MOB3C: variants seen among roughly 807,000 people sequenced by gnomAD.
The protein encoded by MOB3C is MOB1, Mps One Binder kinase activator-like 2C.
Under a neutral mutation model 19.8 loss-of-function variants are expected in MOB3C, and 17 were observed. The ratio of observed to expected loss-of-function variants is 0.86; its 90% CI spans 0.59 to 1.29. The LOEUF is 1.29. Among genes scored for constraint, MOB3C ranks in the 50% most tolerant of loss-of-function variants. MOB3C has a pLI of 0.00. For missense variants in MOB3C, 291 were observed against 301.9 expected (o/e 0.96, Z 0.27); for synonymous variants, 101 against 119.2 (o/e 0.85, Z 0.99).
Position 46,609,619 on chromosome 1 carries a change from C to T in MOB3C, c.*36G>A, listed in dbSNP as rs781387532. 17 of 1,613,666 alleles carry T rather than the reference C, an allele frequency of 1.1e-5. No homozygotes were observed. The highest frequency in any genetic ancestry group is 1.7e-5 in the Admixed American group (1 of 60,032). ...TCTGCCAGCCACCCTATGTTCAGAT[C>T]GTCCATCTGATGGCCAAAAAAGTCC... is the stretch of plus-strand genomic sequence containing the variant. On this transcript the variant is annotated 3_prime_UTR_variant, in exon 4 of 4. Coordinates refer to ENST00000319928, the MANE Select transcript of MOB3C (RefSeq NM_201403.3).
Position 46,611,150 on chromosome 1 carries a change from G to A in MOB3C, c.419-946C>T, listed in dbSNP as rs934785553. On this transcript the variant is annotated intron_variant, in intron 2 of 3. Transcript: ENST00000319928. This position sits in a 1 kb window ranked among gnomAD's most constrained non-coding sequence, Gnocchi z 4.1. ...CATTCCTTCAAATATTCAACAACAC[G>A]AAGAACCTTCCATTTATGAGCAAGG... Among the ~76,000 whole-genome samples the A allele has an allele frequency of 1.3e-5, 2 of 152,132 alleles. No homozygotes were observed. The highest frequency in any genetic ancestry group is 4.8e-5 in the African/African-American group (2 of 41,408).
At position 46,609,997 on chromosome 1, in the gene MOB3C, C is replaced by T. The variant is rs1182378336; in HGVS notation, c.621+5G>A. On this transcript the variant is annotated splice_donor_5th_base_variant and intron_variant, in intron 3 of 3. Transcript: ENST00000319928. Reference sequence around the variant, plus strand: ...GTAGGGGAGGGTGGTAGGGCTTGGCCTCACCAGTGGCTCCAGCTCCCGCTG... The same window carrying T: ...GTAGGGGAGGGTGGTAGGGCTTGGCTTCACCAGTGGCTCCAGCTCCCGCTG... 6.2e-7 allele frequency: 1 copy of T among 1,614,176 alleles called. No individual in the cohort carries two copies. Among genetic ancestry groups the T allele is most frequent in the East Asian group, 2.2e-5 (1 of 44,888 alleles).
intron 2 of MOB3C, among the ~76,000 whole-genome samples, chr1:46,612,382 A>C (rs1187804508): frequency 1.3e-5 from 2 of 152,198 alleles, no homozygotes; most frequent in Non-Finnish European, 2.9e-5. Flanking sequence ...GTCTTGCCAG[A>C]GTGGTCCTTG....
intron 1 of MOB3C, chr1:46,614,944 G>A (rs773368835): frequency 6.6e-7 from 1 of 1,526,014 alleles, no homozygotes; most frequent in African/African-American, 1.4e-5. Flanking sequence ...CATTCAGCAG[G>A]AACTTGTTCT....
intron 3 of MOB3C, 116 bp from the exon 4 acceptor site, chr1:46,609,800 C>T: frequency 7.0e-7 from 1 of 1,432,108 alleles, no homozygotes; most frequent in Non-Finnish European, 9.6e-7. Flanking sequence ...CCCCAGCAAC[C>T]CCAACTCTTA....
At chr1:46,615,212 A>C (rs1675539815) in intron 1 of MOB3C, 1 of 659,352 alleles carries the variant, frequency 1.5e-6, no homozygotes, top group African/African-American at 1.8e-5. Flanking sequence ...CCACCCTGGC[A>C]TTCAGCACCT....
chr1:46,610,664 G>C (rs1464194499), intron 2 of MOB3C, among the ~76,000 whole-genome samples: 1 of 152,212 alleles, frequency 6.6e-6, no homozygotes, highest in Non-Finnish European at 1.5e-5. Context: ...TTACAGGCAT[G>C]AGCCACTGTG....
chr1:46,610,173 G>A lies in MOB3C; in HGVS notation c.450C>T (p.Val150=). Residue 150 remains valine (V), a synonymous_variant, in exon 3 of 4, where the codon GTC becomes GTT. Transcript: ENST00000319928. ...AGAGGCGGGTCAGGATCTTGGTGCA[G>A]ACCTGCTGGAAGTTCTTAGGGAAGG... ...GVPFPKNFQQ[V]CTKILTRLFR... The A allele has an allele frequency of 6.2e-7, 1 of 1,614,122 alleles. No homozygotes were observed.
In MOB3C at chr1:46,612,925, C is replaced by A; in HGVS notation, c.397G>T (p.Glu133Ter). 6.4e-7 allele frequency: 1 copy of A among 1,559,476 alleles called. No individual in the cohort carries two copies. Among genetic ancestry groups the A allele is most frequent in the Non-Finnish European group, 8.7e-7 (1 of 1,149,930 alleles). ...DWIEGLINDE[E>*]VFPTRVGVPF... ...TCACCAACACGCGTGGGAAAGACCT[C>A]TTCGTCGTTGATGAGGCCTTCGATC... The change falls in exon 2 of 4, where the codon GAG (glutamate) becomes TAG (stop). Residue 133 changes from glutamate to a stop codon, truncating the protein, a stop_gained. Transcript: ENST00000319928. LOFTEE classifies it high-confidence loss of function.
At position 46,612,933 on chromosome 1, in the gene MOB3C, T is replaced by C. The variant is rs1675493727; in HGVS notation, c.389A>G (p.Asn130Ser). 2.6e-6 allele frequency: 4 copies of C among 1,566,330 alleles called. No homozygotes were observed. The highest frequency in any genetic ancestry group is 2.4e-5 in the South Asian group (2 of 84,068). The change falls in exon 2 of 4, where the codon AAC becomes AGC. Residue 130 changes from asparagine to serine, a missense_variant. Transcript: ENST00000319928. ...ACGCGTGGGAAAGACCTCTTCGTCGTTGATGAGGCCTTCGATCCAGTCCAT... is the reference window on the plus strand; with the variant it reads ...ACGCGTGGGAAAGACCTCTTCGTCGCTGATGAGGCCTTCGATCCAGTCCAT... ...LLMDWIEGLI[N>S]DEEVFPTRVG... is the part of the protein sequence containing the mutation.
chr1:46,608,372 G>A lies in MOB3C; in HGVS notation c.*1283C>T, dbSNP rs1021860989. 1.3e-5 allele frequency: 2 copies of A among 152,370 alleles called. No individual in the cohort carries two copies. 9.4% of individuals were successfully genotyped at this position (152,370 alleles called of 1,614,324 possible). On this transcript the variant is annotated 3_prime_UTR_variant, in exon 4 of 4. Transcript: ENST00000319928. The surrounding 1 kb of genome is among the most constrained non-coding windows in gnomAD (Gnocchi z 4.5). Reference sequence around the variant, plus strand: ...CTGGCATCCCAGAGTGGAGGCTCTGGGAGGGCAGAACCCTGTTCCTGCCTC... The same window carrying A: ...CTGGCATCCCAGAGTGGAGGCTCTGAGAGGGCAGAACCCTGTTCCTGCCTC...
chr1:46,611,989 C>A lies in MOB3C; in HGVS notation c.418+915G>T, dbSNP rs1294720672. On this transcript the variant is annotated intron_variant, in intron 2 of 3. Transcript: ENST00000319928. This position sits in a 1 kb window ranked among gnomAD's most constrained non-coding sequence, Gnocchi z 4.1. ...AGATGAGCTCCAGGCCAGGTGGGGG[C>A]TGGGCCCAGCTACAGGTGCGGCTGG... 6.6e-6 allele frequency among the ~76,000 whole-genome samples: 1 copy of A among 152,200 alleles called. No homozygotes were observed. Among genetic ancestry groups the A allele is most frequent in the Non-Finnish European group, 1.5e-5 (1 of 68,024 alleles).
intron 2 of MOB3C, among the ~76,000 whole-genome samples, chr1:46,612,591 G>C (rs1675485624): frequency 6.6e-6 from 1 of 151,038 alleles, no homozygotes; most frequent in East Asian, 2.0e-4. Context: ...TTGAACCCGG[G>C]GGGCAGAGGT....
Position 46,609,701 on chromosome 1 carries a change from T to A in MOB3C, c.622-17A>T, listed in dbSNP as rs567142646. ...CATCTCCCTCTGTAGAGACACAAGGTAGGGAGGGGTCAATTAGAGCTCAGC... is the reference window on the plus strand; with the variant it reads ...CATCTCCCTCTGTAGAGACACAAGGAAGGGAGGGGTCAATTAGAGCTCAGC... On this transcript the variant is annotated splice_polypyrimidine_tract_variant and intron_variant, in intron 3 of 3. Coordinates refer to ENST00000319928, the MANE Select transcript of MOB3C (RefSeq NM_201403.3). The A allele has an allele frequency of 7.4e-6, 12 of 1,613,878 alleles. No individual in the cohort carries two copies. In the South Asian group the frequency reaches 7.7e-5, roughly 10 times the overall value.
rs1675568014 is a variant in MOB3C at position 46,616,750 on chromosome 1, G to A, written c.-90C>T. The stretch of plus-strand genomic sequence containing the variant: ...CCGTGGGGTCACATTCCCAGCCACA[G>A]GATCGCCTTTCTCCTGCAGGTCCCG... On this transcript the variant is annotated 5_prime_UTR_variant, in exon 1 of 4. Coordinates refer to ENST00000319928, the MANE Select transcript of MOB3C (RefSeq NM_201403.3). 1 of 152,408 alleles carries A rather than the reference G, an allele frequency of 6.6e-6. No homozygotes were observed. The highest frequency in any genetic ancestry group is 1.5e-5 in the Non-Finnish European group (1 of 68,218). The allele number at this position is 152,408 out of a possible 1,614,324, so 9.4% of individuals were successfully genotyped here. A position where few individuals can be genotyped will look rare whatever the true frequency, so the allele number is the denominator to read the frequency against.
At position 46,609,444 on chromosome 1, in the gene MOB3C, T is replaced by C; in HGVS notation, c.*211A>G. ...CAGAGGTTTAACTCCACTTCCCTTC[T>C]GTTTGCCTGCCTAGATGCTCTCCCC... On this transcript the variant is annotated 3_prime_UTR_variant, in exon 4 of 4. Coordinates refer to ENST00000319928, the MANE Select transcript of MOB3C (RefSeq NM_201403.3). The C allele has an allele frequency of 1.6e-6, 1 of 640,288 alleles. No individual in the cohort carries two copies. Among genetic ancestry groups the C allele is most frequent in the South Asian group, 1.8e-5 (1 of 54,344 alleles). The allele number at this position is 640,288 out of a possible 1,614,324, so 39.7% of individuals were successfully genotyped here.
chr1:46,613,233 A>AGCTCAAAGCGCTGTGTGCCCG lies in MOB3C; in HGVS notation c.68_88dup (p.Pro23_Glu29dup). ...GAGAGAGGCCTGTGCCTTCTTGTAC[A>AGCTCAAAGCGCTGTGTGCCCG]GCTCAAAGCGCTGTGTGCCCGGCTC... On this transcript the variant is annotated inframe_insertion, in exon 2 of 4. Coordinates refer to ENST00000319928, the MANE Select transcript of MOB3C (RefSeq NM_201403.3). 6.2e-7 allele frequency: 1 copy of AGCTCAAAGCGCTGTGTGCCCG among 1,614,118 alleles called. No homozygotes were observed. Among genetic ancestry groups the AGCTCAAAGCGCTGTGTGCCCG allele is most frequent in the Non-Finnish European group, 8.5e-7 (1 of 1,180,038 alleles).
chr1:46,613,300 C>G lies in MOB3C; in HGVS notation c.22G>C (p.Val8Leu), dbSNP rs749258127. The change falls in exon 2 of 4, where the codon GTG becomes CTG. Residue 8 changes from valine to leucine, a missense_variant. By Grantham distance (32) the Val-to-Leu change is conservative (BLOSUM62 1). Coordinates refer to ENST00000319928, the MANE Select transcript of MOB3C (RefSeq NM_201403.3). MALCLKQ[V>L]FAKDKTFRPR... Reference sequence around the variant, plus strand: ...CGGAACGTCTTGTCCTTGGCGAACACCTGCTTCAGGCACAGGGCCATGGCC... The same window carrying G: ...CGGAACGTCTTGTCCTTGGCGAACAGCTGCTTCAGGCACAGGGCCATGGCC... 8.1e-6 allele frequency: 13 copies of G among 1,606,836 alleles called. No homozygotes were observed. Among genetic ancestry groups the G allele is most frequent in the Non-Finnish European group, 1.1e-5 (13 of 1,180,018 alleles).
At position 46,609,100 on chromosome 1, in the gene MOB3C, G is replaced by A. The variant is rs1675417598; in HGVS notation, c.*555C>T. 1.2e-5 allele frequency: 2 copies of A among 169,984 alleles called. No individual in the cohort carries two copies. The highest frequency in any genetic ancestry group is 1.7e-4 in the East Asian group (1 of 5,958). The allele number at this position is 169,984 out of a possible 1,614,324, so 10.5% of individuals were successfully genotyped here. A position where few individuals can be genotyped will look rare whatever the true frequency, so the allele number is the denominator to read the frequency against. ...GCTGAGCTGTCATCACTCCTACAGTGGTCATGGTCTGATGGTCCCATGGTC... is the reference window on the plus strand; with the variant it reads ...GCTGAGCTGTCATCACTCCTACAGTAGTCATGGTCTGATGGTCCCATGGTC... On this transcript the variant is annotated 3_prime_UTR_variant, in exon 4 of 4. Transcript: ENST00000319928.
Sources: allele counts gnomAD v4.1 joint callset (sites outside exome capture counted in the v4.1 genomes callset), GRCh38; gene constraint gnomAD v4.1.1; non-coding constraint Gnocchi (gnomAD v3.1); transcripts MANE v1.5; gene names NCBI Gene and HGNC (gene_info 2026-07-23, HGNC 2026-07-21).